Variants in LHPP observed in about 807,000 individuals in gnomAD.
LHPP encodes phospholysine phosphohistidine inorganic pyrophosphate phosphatase.
LHPP carries 24 observed loss-of-function variants against 30.3 expected under a neutral mutation model. The observed-to-expected ratio is 0.79, with a 90% CI of 0.57 to 1.11. The LOEUF is 1.11. Among genes scored for constraint, LHPP ranks in the 50% most tolerant of loss-of-function variants. LHPP has a pLI of 0.00. For synonymous variants in LHPP, 150 were observed against 157.1 expected (o/e 0.95, Z 0.34); for missense variants, 356 against 367.2 (o/e 0.97, Z 0.25).
Position 124,517,207 on chromosome 10 carries a change from G to T in LHPP, c.652G>T (p.Gly218Cys). ...CGTCATGATTGGGGACGATATCGTG[G>T]GCGACGTCGGCGGTGCCCAGCGGTG... ...QAVMIGDDIV[G>C]DVGGAQRCGM... The change falls in exon 6 of 7, where the codon GGC becomes TGC. Residue 218 changes from glycine to cysteine, a missense_variant. Physicochemically the swap from Gly to Cys is radical, Grantham distance 159. Transcript: ENST00000368842. The surrounding 1 kb of genome is among the most constrained non-coding windows in gnomAD (Gnocchi z 4.1). The T allele has an allele frequency of 6.2e-7, 1 of 1,606,534 alleles. No homozygotes were observed. The highest frequency in any genetic ancestry group is 8.5e-7 in the Non-Finnish European group (1 of 1,176,816).
chr10:124,506,969 T>A (rs796351046), intron 5 of LHPP, among the ~76,000 whole-genome samples: 5 of 9,204 alleles, frequency 5.4e-4, no homozygotes, highest in African/African-American at 1.5e-3. Flanking sequence ...GGTGGGCGGG[T>A]AGACAGGATT....
intron 6 of LHPP, among the ~76,000 whole-genome samples, chr10:124,604,977 G>A (rs2134015524): frequency 6.6e-6 from 1 of 152,386 alleles, no homozygotes; most frequent in African/African-American, 2.4e-5. Flanking sequence ...AGCCCCTCGG[G>A]GAGAGGCCGC....
chr10:124,565,780 A>G (rs1948478431), intron 6 of LHPP, among the ~76,000 whole-genome samples: 1 of 152,198 alleles, frequency 6.6e-6, no homozygotes, highest in Non-Finnish European at 1.5e-5. Context: ...GCCTTTCTCA[A>G]GGTCACAGGA....
chr10:124,587,064 T>C (rs1268094018), intron 6 of LHPP, among the ~76,000 whole-genome samples: 4 of 148,082 alleles, frequency 2.7e-5, no homozygotes, highest in Non-Finnish European at 6.0e-5. Context: ...TGTTTTGCTC[T>C]CGTCACCCAG....
At chr10:124,525,569 G>A (rs1030923929) in intron 6 of LHPP, among the ~76,000 whole-genome samples, 1 of 152,238 alleles carries the variant, frequency 6.6e-6, no homozygotes, top group African/African-American at 2.4e-5. Flanking sequence ...TGAGAGAGTG[G>A]GGAGGAGACC....
rs1173503943 is a variant in LHPP at position 124,523,249 on chromosome 10, C to T, written c.716+5978C>T. Among the ~76,000 whole-genome samples, 3 of 152,252 alleles carry T rather than the reference C, an allele frequency of 2.0e-5. No homozygotes were observed. The highest frequency in any genetic ancestry group is 7.2e-5 in the African/African-American group (3 of 41,460). On this transcript the variant is annotated intron_variant, in intron 6 of 6. Transcript: ENST00000368842. This position sits in a 1 kb window ranked among gnomAD's most constrained non-coding sequence, Gnocchi z 4.2. ...AGGGAAAGTTTCCTGGACCGTGATTCCCGACATCCTGCAAGGTCCCTTCTA... is the reference window on the plus strand; with the variant it reads ...AGGGAAAGTTTCCTGGACCGTGATTTCCGACATCCTGCAAGGTCCCTTCTA...
Position 124,613,461 on chromosome 10 carries a change from C to CCTCCTCCACCCCTGCCT in LHPP, c.*120_*136dup, listed in dbSNP as rs1222099911. 1,771 of 769,322 alleles carry CCTCCTCCACCCCTGCCT rather than the reference C, an allele frequency of 2.3e-3. 8 individuals are homozygous for CCTCCTCCACCCCTGCCT. The highest frequency in any genetic ancestry group is 6.4e-3 in the Middle Eastern group (18 of 2,792). 47.7% of individuals were successfully genotyped at this position (769,322 alleles called of 1,614,324 possible). ...CCTCCACCCGCCCAGGAGAGCCCCACCTCCTCCACCCCTGCCTCTCCTCCA... is the reference window on the plus strand; with the variant it reads ...CCTCCACCCGCCCAGGAGAGCCCCACCTCCTCCACCCCTGCCTCTCCTCCACCCCTGCCTCTCCTCCA... On this transcript the variant is annotated 3_prime_UTR_variant, in exon 7 of 7. Coordinates refer to ENST00000368842, the MANE Select transcript of LHPP (RefSeq NM_022126.4).
intron 5 of LHPP, among the ~76,000 whole-genome samples, chr10:124,513,102 GTTTT>G (rs1427915108): frequency 8.5e-5 from 13 of 152,070 alleles, no homozygotes; most frequent in Non-Finnish European, 1.8e-4. Flanking sequence ...TTGTTTGTTT[GTTTT>G]AAGACAGAGT....
At chr10:124,534,961 A>C (rs183562012) in intron 6 of LHPP, among the ~76,000 whole-genome samples, 1 of 152,170 alleles carries the variant, frequency 6.6e-6, no homozygotes, top group African/African-American at 2.4e-5. Flanking sequence ...CATGGGAAAC[A>C]TTCCTTCCTG....
rs769742193 is a variant in LHPP, at chr10:124,488,402, G to C, written c.314-20G>C. The C allele has an allele frequency of 4.3e-6, 7 of 1,609,494 alleles. No homozygotes were observed. The highest frequency in any genetic ancestry group is 1.1e-5 in the South Asian group (1 of 90,712). ...TCCTCCCAGGGCTCCGTGGCACTCTGTCTCTCTCTCTCTTTCCAGGAGTCC... is the reference window on the plus strand; with the variant it reads ...TCCTCCCAGGGCTCCGTGGCACTCTCTCTCTCTCTCTCTTTCCAGGAGTCC... On this transcript the variant is annotated intron_variant, in intron 2 of 6. Coordinates refer to ENST00000368842, the MANE Select transcript of LHPP (RefSeq NM_022126.4).
At chr10:124,558,208 G>A (rs1471624225) in intron 6 of LHPP, among the ~76,000 whole-genome samples, 1 of 152,138 alleles carries the variant, frequency 6.6e-6, no homozygotes, top group African/African-American at 2.4e-5. Flanking sequence ...TGGAAGCTGA[G>A]CCCTGGCTTG....
chr10:124,564,800 A>C (rs1948463301), intron 6 of LHPP, among the ~76,000 whole-genome samples: 1 of 152,188 alleles, frequency 6.6e-6, no homozygotes, highest in Non-Finnish European at 1.5e-5. Flanking sequence ...GCATGGTTAT[A>C]TTACATTTTT....
chr10:124,511,395 C>T (rs1428770958), intron 5 of LHPP, among the ~76,000 whole-genome samples: 1 of 152,202 alleles, frequency 6.6e-6, no homozygotes, highest in Admixed American at 6.5e-5. Flanking sequence ...CTGGGAAGCA[C>T]AGGGGTGGGT....
chr10:124,481,851 C>T (rs1287493994), intron 1 of LHPP, among the ~76,000 whole-genome samples: 1 of 152,216 alleles, frequency 6.6e-6, no homozygotes, highest in East Asian at 1.9e-4. Context: ...TTCCTGCCAT[C>T]TCCTTGTCCG....
intron 6 of LHPP, among the ~76,000 whole-genome samples, chr10:124,571,276 T>C (rs1057423112): frequency 6.6e-6 from 1 of 152,264 alleles, no homozygotes; most frequent in Non-Finnish European, 1.5e-5. Context: ...TGAACACTAA[T>C]GTATAGGTTT....
At chr10:124,556,635 T>C (rs1948304552) in intron 6 of LHPP, among the ~76,000 whole-genome samples, 1 of 152,188 alleles carries the variant, frequency 6.6e-6, no homozygotes, top group African/African-American at 2.4e-5. Context: ...TGCTCTCCCA[T>C]CTGCACTGTG....
intron 6 of LHPP, among the ~76,000 whole-genome samples, chr10:124,604,913 G>A (rs1039750935): frequency 1.8e-4 from 27 of 152,242 alleles, no homozygotes; most frequent in Admixed American, 2.6e-4. Flanking sequence ...GCAGGGTAGA[G>A]AGGAGGCGGG....
rs547170741 is a variant in LHPP, at chr10:124,592,820, C to T, written c.717-20444C>T. ...ATGAAAACTGAAGAAAACAAGATTC[C>T]GTCTAGGAATCGTCCAGGGCGCGGC... is the stretch of plus-strand genomic sequence containing the variant. On this transcript the variant is annotated intron_variant, in intron 6 of 6. Coordinates refer to ENST00000368842, the MANE Select transcript of LHPP (RefSeq NM_022126.4). The surrounding 1 kb of genome is among the most constrained non-coding windows in gnomAD (Gnocchi z 6.2). Among the ~76,000 whole-genome samples, 4 of 152,328 alleles carry T rather than the reference C, an allele frequency of 2.6e-5. No individual in the cohort carries two copies. The highest frequency in any genetic ancestry group is 2.1e-4 in the South Asian group (1 of 4,830).
chr10:124,563,378 A>G (rs767813654), intron 6 of LHPP, among the ~76,000 whole-genome samples: 6 of 150,194 alleles, frequency 4.0e-5, no homozygotes, highest in Non-Finnish European at 7.4e-5. Flanking sequence ...GATACTCACA[A>G]TGACTTGGAT....
Sources: gnomAD v4.1 joint callset for allele counts (sites outside exome capture counted in the v4.1 genomes callset) on GRCh38, gnomAD v4.1.1 for gene constraint, Gnocchi (gnomAD v3.1) non-coding constraint, MANE v1.5 for transcripts, NCBI Gene and HGNC (gene_info 2026-07-23, HGNC 2026-07-21) for gene names.